Variants in ACBD6 observed in about 807,000 individuals in gnomAD.
The protein encoded by ACBD6 is acyl-CoA binding domain containing 6.
ACBD6 carries 28 observed loss-of-function variants against 37.2 expected under a neutral mutation model. That is an observed-to-expected ratio of 0.75 (90% CI 0.56 to 1.03). The LOEUF is 1.03. Among genes scored for constraint, ACBD6 ranks in the 50% least tolerant of loss-of-function variants. ACBD6 has a pLI of 0.00. For missense variants in ACBD6, 340 were observed against 337.4 expected, an observed-to-expected ratio of 1.01 and a Z score of -0.06; for synonymous variants, 113 against 126.8, an observed-to-expected ratio of 0.89 and a Z score of 0.73.
At chr1:180,295,144 C>T (rs879705759) in intron 7 of ACBD6, among the ~76,000 whole-genome samples, 4 of 152,124 alleles carry the variant, frequency 2.6e-5, no homozygotes, top group Middle Eastern at 3.2e-3. Flanking sequence ...TATTGTTTCA[C>T]ACTTACTTTG....
intron 3 of ACBD6, among the ~76,000 whole-genome samples, chr1:180,457,855 C>A (rs187506818): frequency 4.5e-4 from 68 of 150,186 alleles, no homozygotes; most frequent in African/African-American, 1.7e-3. Context: ...TACAATGGCA[C>A]GATCTCAGCT....
intron 6 of ACBD6, among the ~76,000 whole-genome samples, chr1:180,318,789 C>CA (rs1359139354): frequency 1.3e-5 from 2 of 152,162 alleles, no homozygotes; most frequent in East Asian, 3.8e-4. Flanking sequence ...ATCTCTACCC[C>CA]ATAGGTATTG....
At chr1:180,441,060 T>C (rs148368296) in intron 3 of ACBD6, among the ~76,000 whole-genome samples, 44 of 152,346 alleles carry the variant, frequency 2.9e-4, no homozygotes, top group African/African-American at 1.0e-3. Flanking sequence ...ATTCCACTCC[T>C]GTATATACCC....
intron 6 of ACBD6, among the ~76,000 whole-genome samples, chr1:180,375,337 T>A (rs1571424409): frequency 2.0e-5 from 3 of 148,728 alleles, no homozygotes; most frequent in Non-Finnish European, 4.5e-5. Context: ...GGGAACAGAC[T>A]GTTTTTTTTT....
intron 1 of ACBD6, among the ~76,000 whole-genome samples, chr1:180,498,229 T>C (rs570551675): frequency 4.6e-5 from 7 of 152,322 alleles, no homozygotes; most frequent in East Asian, 1.9e-4. Context: ...GTGGCAGATA[T>C]AGATTTTCCA....
chr1:180,272,043 G>T (rs759478286), intron 13 of ACBD6: 2 of 1,582,986 alleles, frequency 1.3e-6, no homozygotes, highest in Non-Finnish European at 1.7e-6. Flanking sequence ...GAGGCCTTAG[G>T]AAAGTCCCCT....
At chr1:180,364,891 G>T (rs958750392) in intron 6 of ACBD6, among the ~76,000 whole-genome samples, 2 of 151,874 alleles carry the variant, frequency 1.3e-5, no homozygotes, top group African/African-American at 4.8e-5. Flanking sequence ...GTGCCACAAC[G>T]CCTGGCTAAT....
chr1:180,333,868 A>G (rs549551017), intron 6 of ACBD6, among the ~76,000 whole-genome samples: 1 of 152,248 alleles, frequency 6.6e-6, no homozygotes, highest in South Asian at 2.1e-4. Context: ...AGGAGATTAT[A>G]TCCCGTGCCT....
chr1:180,395,428 G>A (rs192145125), intron 6 of ACBD6, among the ~76,000 whole-genome samples: 25 of 152,186 alleles, frequency 1.6e-4, no homozygotes, highest in Admixed American at 1.1e-3. Flanking sequence ...ATTTAATGAT[G>A]ATATTACCAT....
intron 6 of ACBD6, among the ~76,000 whole-genome samples, chr1:180,359,903 A>C (rs575742429): frequency 1.3e-5 from 2 of 152,322 alleles, no homozygotes; most frequent in East Asian, 3.9e-4. Context: ...ATTTTTAAGT[A>C]AAATATTACA....
intron 5 of ACBD6, among the ~76,000 whole-genome samples, chr1:180,412,176 ATT>A (rs1444524177): frequency 2.0e-5 from 3 of 151,822 alleles, no homozygotes; most frequent in African/African-American, 7.2e-5. Flanking sequence ...ACCTGGTATT[ATT>A]TTGTTTCACT....
intron 3 of ACBD6, among the ~76,000 whole-genome samples, chr1:180,452,787 T>A (rs778658963): frequency 7.9e-5 from 12 of 152,140 alleles, no homozygotes; most frequent in Non-Finnish European, 1.6e-4. Context: ...TATAAACACC[T>A]CTACGCAAAT....
At chr1:180,381,096 A>C (rs1653629867) in intron 6 of ACBD6, among the ~76,000 whole-genome samples, 2 of 152,214 alleles carry the variant, frequency 1.3e-5, no homozygotes, top group Non-Finnish European at 1.5e-5. Context: ...ATGAACTTTA[A>C]GTCAAAACCA....
chr1:180,340,253 T>C (rs554368039), intron 6 of ACBD6, among the ~76,000 whole-genome samples: 1 of 152,120 alleles, frequency 6.6e-6, no homozygotes, highest in Non-Finnish European at 1.5e-5. Flanking sequence ...AGCAGAGGAA[T>C]AGCTTGACTT....
At chr1:180,431,038 C>T (rs1040364429) in intron 3 of ACBD6, among the ~76,000 whole-genome samples, 1 of 152,234 alleles carries the variant, frequency 6.6e-6, no homozygotes, top group Middle Eastern at 3.4e-3. Context: ...TAAATATTCC[C>T]TTAGAATCAA....
chr1:180,422,338 T>C lies in ACBD6; in HGVS notation c.467+7842A>G, dbSNP rs902227665. On this transcript the variant is annotated intron_variant, in intron 4 of 7. Transcript: ENST00000367595. ...CTCCTGCCTCTGACTTCTGAGCAGCTAGGATTACAAGCGCACACCACCACT... is the reference window on the plus strand; with the variant it reads ...CTCCTGCCTCTGACTTCTGAGCAGCCAGGATTACAAGCGCACACCACCACT... Among the ~76,000 whole-genome samples the C allele has an allele frequency of 2.2e-4, 34 of 152,204 alleles. No homozygotes were observed. In the Middle Eastern group the frequency reaches 0.014, roughly 61 times the overall value.
At chr1:180,463,490 C>T (rs1210326287) in intron 3 of ACBD6, among the ~76,000 whole-genome samples, 1 of 151,892 alleles carries the variant, frequency 6.6e-6, no homozygotes, top group Non-Finnish European at 1.5e-5. Flanking sequence ...ATATACTCTC[C>T]CCAGAATGAA....
chr1:180,399,854 TTGTAAG>T (rs1647272393), intron 5 of ACBD6, among the ~76,000 whole-genome samples: 1 of 151,624 alleles, frequency 6.6e-6, no homozygotes, highest in South Asian at 2.1e-4. Flanking sequence ...TTAGTTCTAA[TTGTAAG>T]TGTGCATTTT....
intron 3 of ACBD6, among the ~76,000 whole-genome samples, chr1:180,436,764 A>G (rs1313557668): frequency 6.6e-6 from 1 of 152,220 alleles, no homozygotes; most frequent in Non-Finnish European, 1.5e-5. Context: ...TGTAATTAAC[A>G]TCACTTTAAA....
Sources: gnomAD v4.1 joint callset for allele counts (sites outside exome capture counted in the v4.1 genomes callset) on GRCh38, gnomAD v4.1.1 for gene constraint, MANE v1.5 for transcripts, NCBI Gene and HGNC (gene_info 2026-07-23, HGNC 2026-07-21) for gene names.